The following ARHGEF37 variants were observed in gnomAD, a reference collection of about 807,000 sequenced individuals.
ARHGEF37 encodes the protein Rho guanine nucleotide exchange factor (GEF) 37.
ARHGEF37 carries 55 observed loss-of-function variants against 71.1 expected under a neutral mutation model. The ratio of observed to expected loss-of-function variants is 0.77; its 90% CI spans 0.62 to 0.97. ARHGEF37 has a LOEUF of 0.97. ARHGEF37 is among the 50% of genes least tolerant of loss of function. The pLI, the probability that ARHGEF37 is intolerant of heterozygous loss-of-function variation, is 0.00. For synonymous variants in ARHGEF37, 327 were observed against 350.6 expected (o/e 0.93, Z 0.75); for missense variants, 765 against 836.8 (o/e 0.91, Z 1.06).
At chr5:149,566,495 C>A (rs924229041) in intron 1 of ARHGEF37, among the ~76,000 whole-genome samples, 1 of 151,432 alleles carries the variant, frequency 6.6e-6, no homozygotes, top group Admixed American at 6.6e-5. Flanking sequence ...GAGACTGTCT[C>A]AACCCCCCCA....
intron 5 of ARHGEF37, 64 bp from the exon 6 acceptor site, chr5:149,618,112 C>T (rs893146452): frequency 3.1e-6 from 5 of 1,599,728 alleles, no homozygotes; most frequent in Non-Finnish European, 3.4e-6. Context: ...CCGGGCATGT[C>T]CGTGACATCC....
chr5:149,606,389 C>T (rs1033138112), intron 3 of ARHGEF37, among the ~76,000 whole-genome samples: 6 of 152,230 alleles, frequency 3.9e-5, no homozygotes, highest in African/African-American at 1.2e-4. Flanking sequence ...TGCGATCTCC[C>T]CATGGGGATC....
At chr5:149,614,875 G>A (rs1251413918) in intron 4 of ARHGEF37, among the ~76,000 whole-genome samples, 4 of 152,102 alleles carry the variant, frequency 2.6e-5, no homozygotes, top group Non-Finnish European at 4.4e-5. Flanking sequence ...CATCAGGGAG[G>A]GCCCAGAGAA....
chr5:149,589,323 T>A (rs1016073306), intron 1 of ARHGEF37, among the ~76,000 whole-genome samples: 1 of 151,450 alleles, frequency 6.6e-6, no homozygotes, highest in South Asian at 2.1e-4. Flanking sequence ...CATAATGTTT[T>A]ATTAATTAAT....
Position 149,598,759 on chromosome 5 carries a change from GATATAGATATAGATATAGAT to G in ARHGEF37, c.186+822_186+841del, listed in dbSNP as rs1481468271. Among the ~76,000 whole-genome samples the G allele has an allele frequency of 9.2e-3, 1,114 of 120,728 alleles. 6 individuals are homozygous for G. The highest frequency in any genetic ancestry group is 0.012 in the African/African-American group (376 of 32,508). 79.2% of individuals were successfully genotyped at this position (120,728 alleles called of 152,430 possible). ...TCTCATATATATATATCTATATATAGATATAGATATAGATATAGATATATAGATATAGATATATAGATATA... is the reference window on the plus strand; with the variant it reads ...TCTCATATATATATATCTATATATAGATATAGATATAGATATATAGATATA... On this transcript the variant is annotated intron_variant, in intron 2 of 12. Transcript: ENST00000333677.
rs545380264 is a variant in ARHGEF37, at chr5:149,632,370, G to A, written c.*179G>A. On this transcript the variant is annotated 3_prime_UTR_variant, in exon 13 of 13. Coordinates refer to ENST00000333677, the MANE Select transcript of ARHGEF37 (RefSeq NM_001001669.3). ...CGGGCCTCGCAGAGTGCTTGGTGTG[G>A]TGGGGGCACAGGAGGCTCCAGCCAG... 1 of 663,984 alleles carries A rather than the reference G, an allele frequency of 1.5e-6. No homozygotes were observed. Among genetic ancestry groups the A allele is most frequent in the African/African-American group, 1.8e-5 (1 of 55,006 alleles). The allele number at this position is 663,984 out of a possible 1,614,324, so 41.1% of individuals were successfully genotyped here.
Position 149,597,794 on chromosome 5 carries a change from C to G in ARHGEF37, c.25C>G (p.Pro9Ala). ...CATGGCCAAGCATGGAGCCGACGAG[C>G]CATCCTCCAGGTCAGGGAGTCCGGA... MAKHGADE[P>A]SSRSGSPDRE... The change falls in exon 2 of 13, where the codon CCA becomes GCA. Residue 9 changes from proline to alanine, a missense_variant. By Grantham distance (27) the Pro-to-Ala change is conservative. This residue lies in a region of ARHGEF37 where 201 missense variants were observed against 217.5 expected (regional missense o/e 0.92). Transcript: ENST00000333677. The G allele has an allele frequency of 6.4e-7, 1 of 1,568,822 alleles. No individual in the cohort carries two copies. Among genetic ancestry groups the G allele is most frequent in the East Asian group, 2.3e-5 (1 of 42,626 alleles).
intron 1 of ARHGEF37, among the ~76,000 whole-genome samples, chr5:149,593,530 G>A (rs1211156677): frequency 6.6e-6 from 1 of 152,136 alleles, no homozygotes; most frequent in Non-Finnish European, 1.5e-5. Flanking sequence ...ATAGGGGTTG[G>A]GGTACCAACA....
chr5:149,597,635 C>A, intron 1 of ARHGEF37, 124 bp from the exon 2 acceptor site: 1 of 836,000 alleles, frequency 1.2e-6, no homozygotes, highest in Admixed American at 3.3e-5. Flanking sequence ...AACAGTTCAT[C>A]TTGACTCTGT....
At position 149,589,339 on chromosome 5, in the gene ARHGEF37, A is replaced by T. The variant is rs149305235; in HGVS notation, c.-12+7715A>T. 1.9e-3 allele frequency among the ~76,000 whole-genome samples: 296 copies of T among 151,996 alleles called. 1 individual carries two copies. The highest frequency in any genetic ancestry group is 6.9e-3 in the African/African-American group (285 of 41,448). On this transcript the variant is annotated intron_variant, in intron 1 of 12. Coordinates refer to ENST00000333677, the MANE Select transcript of ARHGEF37 (RefSeq NM_001001669.3). ...ATAATGTTTTATTAATTAATTAATT[A>T]ATTTATAAGACAGGATCTCACTCTG...
intron 4 of ARHGEF37, among the ~76,000 whole-genome samples, chr5:149,614,149 T>C (rs1752305830): frequency 6.6e-6 from 1 of 152,128 alleles, no homozygotes; most frequent in Non-Finnish European, 1.5e-5. Flanking sequence ...TTGAAGCATA[T>C]TTGGGTTGTT....
upstream of ARHGEF37, among the ~76,000 whole-genome samples, chr5:149,579,300 A>G (rs1763062486): frequency 1.3e-5 from 2 of 152,210 alleles, no homozygotes; most frequent in African/African-American, 2.4e-5. Flanking sequence ...CCTGGAAACA[A>G]TCAGGAAGTC....
chr5:149,603,846 G>A (rs1763832164), intron 3 of ARHGEF37, among the ~76,000 whole-genome samples: 1 of 152,210 alleles, frequency 6.6e-6, no homozygotes, highest in Non-Finnish European at 1.5e-5. Context: ...TGAGGCACGA[G>A]AATCGCTTGA....
In ARHGEF37 at chr5:149,608,397, G is replaced by A. The variant is rs147857598; in HGVS notation, c.311-1151G>A. On this transcript the variant is annotated intron_variant, in intron 3 of 12. Transcript: ENST00000333677. ...CAAATTTTTTTTTTTTTGAGATGGT[G>A]TCTTGCTCTGTTGTGCAGGCTGGAG... 2.2e-3 allele frequency among the ~76,000 whole-genome samples: 335 copies of A among 151,112 alleles called. 2 individuals are homozygous for A. In the South Asian group the frequency reaches 0.022, roughly 10 times the overall value.
chr5:149,608,106 C>CA (rs1763968405), intron 3 of ARHGEF37, among the ~76,000 whole-genome samples: 1 of 151,960 alleles, frequency 6.6e-6, no homozygotes, highest in South Asian at 2.1e-4. Context: ...TTATAAAAAA[C>CA]ATTGATCAGT....
chr5:149,614,462 T>C (rs1752316115), intron 4 of ARHGEF37, among the ~76,000 whole-genome samples: 1 of 152,134 alleles, frequency 6.6e-6, no homozygotes. Context: ...CCTTAGAAAG[T>C]CTGTAAATGT....
chr5:149,560,695 C>T (rs1348519546), intron 1 of ARHGEF37, among the ~76,000 whole-genome samples: 1 of 151,296 alleles, frequency 6.6e-6, no homozygotes, highest in East Asian at 1.9e-4. Flanking sequence ...GGCGAGGGGG[C>T]AGATGACTTG....
At chr5:149,594,417 T>C (rs1763489753) in intron 1 of ARHGEF37, among the ~76,000 whole-genome samples, 2 of 152,222 alleles carry the variant, frequency 1.3e-5, no homozygotes, top group African/African-American at 2.4e-5. Flanking sequence ...GGAGCCAGAA[T>C]ACAGCTATGC....
intron 4 of ARHGEF37, among the ~76,000 whole-genome samples, chr5:149,612,236 C>T (rs563304451): frequency 4.6e-5 from 7 of 152,230 alleles, no homozygotes; most frequent in Non-Finnish European, 7.4e-5. Context: ...GGCGCGATCT[C>T]GGCCCACTGC....
Sources: allele counts gnomAD v4.1 joint callset (sites outside exome capture counted in the v4.1 genomes callset), GRCh38; gene constraint gnomAD v4.1.1; regional missense constraint gnomAD v4.1.1; transcripts MANE v1.5; gene names NCBI Gene and HGNC (gene_info 2026-07-23, HGNC 2026-07-21).